Variants in DPP6 observed in about 807,000 individuals in gnomAD.
The protein encoded by DPP6 is A-type potassium channel modulatory protein DPP6.
Under a neutral mutation model 122.6 loss-of-function variants are expected in DPP6, and 69 were observed. The ratio of observed to expected loss-of-function variants is 0.56; its 90% confidence interval spans 0.46 to 0.69. The LOEUF (loss-of-function observed/expected upper bound fraction) is 0.69. DPP6 is among the 30% of genes least tolerant of loss of function. The probability of loss-of-function intolerance (pLI) is 0.00; values close to 1 mark genes in which losing one functional copy is unlikely to be tolerated. For synonymous variants in DPP6, 418 were observed against 433.1 expected (o/e 0.97, Z 0.43); for missense variants, 928 against 1,116.9 (o/e 0.83, Z 2.41).
intron 7 of DPP6, among the ~76,000 whole-genome samples, chr7:154,698,562 G>T (rs1283426900): frequency 6.6e-6 from 1 of 152,134 alleles, no homozygotes; most frequent in Non-Finnish European, 1.5e-5. Flanking sequence ...TAATTGCATA[G>T]CTATTTAAAT....
intron 1 of DPP6, among the ~76,000 whole-genome samples, chr7:154,087,924 G>C (rs145401826): frequency 2.1e-4 from 32 of 152,324 alleles, no homozygotes; most frequent in Admixed American, 7.8e-4. Flanking sequence ...AATGCACTTC[G>C]CACAGTGTTG....
intron 1 of DPP6, among the ~76,000 whole-genome samples, chr7:154,374,936 T>C (rs1813002004): frequency 6.6e-6 from 1 of 152,176 alleles, no homozygotes; most frequent in Non-Finnish European, 1.5e-5. Flanking sequence ...AATTAATTCT[T>C]TCAACAAATA....
chr7:154,046,487 T>C (rs1285214936), intron 1 of DPP6, among the ~76,000 whole-genome samples: 2 of 152,262 alleles, frequency 1.3e-5, no homozygotes, highest in Admixed American at 6.5e-5. Context: ...TTATTCCATT[T>C]AGAACTCAAA....
chr7:154,285,802 A>G (rs1804811268), intron 1 of DPP6, among the ~76,000 whole-genome samples: 1 of 152,236 alleles, frequency 6.6e-6, no homozygotes, highest in Admixed American at 6.5e-5. Context: ...TATTACAATC[A>G]GGCAGAGTAC....
chr7:154,178,479 G>A (rs1563282985), intron 1 of DPP6, among the ~76,000 whole-genome samples: 1 of 146,828 alleles, frequency 6.8e-6, no homozygotes, highest in Non-Finnish European at 1.5e-5. Context: ...TTGTTTCACA[G>A]TTTTATTAAG....
chr7:154,304,987 C>T (rs1321498990), intron 1 of DPP6: 1 of 155,676 alleles, frequency 6.4e-6, no homozygotes, highest in Non-Finnish European at 1.4e-5. Flanking sequence ...GGCGCGGCGT[C>T]TCCGCGGCAG....
chr7:154,509,366 GT>G, intron 3 of DPP6, among the ~76,000 whole-genome samples: 1 of 152,288 alleles, frequency 6.6e-6, no homozygotes, highest in East Asian at 1.9e-4. Flanking sequence ...ATAGCAATAT[GT>G]ACATGAAAAG....
chr7:154,450,298 T>C lies in DPP6; in HGVS notation c.358+3970T>C, dbSNP rs1242169413. Among the ~76,000 whole-genome samples the C allele has an allele frequency of 8.5e-5, 13 of 152,276 alleles. No individual in the cohort carries two copies. In the East Asian group the frequency reaches 2.3e-3, roughly 27 times the overall value. On this transcript the variant is annotated intron_variant, in intron 2 of 25. Transcript: ENST00000377770. ...GATTGCTAATAGGTATGAAATTTCT[T>C]TGAAGGGGGATGAAGAAATTATTCT...
intron 5 of DPP6, among the ~76,000 whole-genome samples, chr7:154,577,998 T>G (rs1367501679): frequency 1.3e-5 from 2 of 152,210 alleles, no homozygotes; most frequent in Non-Finnish European, 2.9e-5. Context: ...CCAATTCCAT[T>G]TGTGATTTAG....
intron 1 of DPP6, among the ~76,000 whole-genome samples, chr7:153,990,296 A>C (rs1797108698): frequency 1.9e-5 from 2 of 105,068 alleles, no homozygotes; most frequent in East Asian, 3.0e-4. Flanking sequence ...TGCCACCCAC[A>C]TGGGTTCCTG....
intron 1 of DPP6, among the ~76,000 whole-genome samples, chr7:154,061,518 A>C (rs1421391872): frequency 4.1e-5 from 6 of 146,804 alleles, no homozygotes; most frequent in Non-Finnish European, 7.6e-5. Flanking sequence ...AGAAGCAAAT[A>C]AGCTGATTCT....
intron 7 of DPP6, among the ~76,000 whole-genome samples, chr7:154,719,801 C>T (rs1049467237): frequency 1.3e-5 from 2 of 152,184 alleles, no homozygotes; most frequent in African/African-American, 4.8e-5. Context: ...AAATGGGAAA[C>T]GGAGTCTTCT....
chr7:154,697,490 G>A (rs893129447), intron 7 of DPP6, among the ~76,000 whole-genome samples: 3 of 152,190 alleles, frequency 2.0e-5, no homozygotes, highest in Non-Finnish European at 2.9e-5. Context: ...GCCTCTCATC[G>A]GGCCCCTTGG....
At position 154,129,581 on chromosome 7, in the gene DPP6, G is replaced by A. The variant is rs189870953; in HGVS notation, c.243+76518G>A. On this transcript the variant is annotated intron_variant, in intron 1 of 25. Coordinates refer to ENST00000377770, the MANE Select transcript of DPP6 (RefSeq NM_130797.4). ...CGTTTGAGACCAGCCTAGCCAACAT[G>A]GTGAAACCCTGTCTCTACTAAAAAT... Among the ~76,000 whole-genome samples, 308 of 152,274 alleles carry A rather than the reference G, an allele frequency of 2.0e-3. 1 individual carries two copies. The highest frequency in any genetic ancestry group is 7.1e-3 in the African/African-American group (295 of 41,568).
At chr7:154,254,901 G>A (rs1412494639) in intron 1 of DPP6, among the ~76,000 whole-genome samples, 3 of 151,876 alleles carry the variant, frequency 2.0e-5, no homozygotes, top group Non-Finnish European at 4.4e-5. Context: ...AGGAATAAGT[G>A]TAGGAGGAAT....
At chr7:154,041,064 C>T (rs1427735321) in intron 1 of DPP6, among the ~76,000 whole-genome samples, 1 of 152,118 alleles carries the variant, frequency 6.6e-6, no homozygotes, top group Non-Finnish European at 1.5e-5. Context: ...AGCATTATTT[C>T]TCTTTTCCCC....
chr7:154,018,597 C>T (rs1474587290), intron 1 of DPP6, among the ~76,000 whole-genome samples: 1 of 152,218 alleles, frequency 6.6e-6, no homozygotes, highest in African/African-American at 2.4e-5. Context: ...AGAGTGGTTG[C>T]CATGACATTA....
chr7:154,266,702 A>G (rs1374721699), intron 1 of DPP6, among the ~76,000 whole-genome samples: 2 of 152,230 alleles, frequency 1.3e-5, no homozygotes, highest in African/African-American at 2.4e-5. Flanking sequence ...ATATAAATCA[A>G]TCAATATGAT....
At chr7:154,127,197 C>A (rs1807953554) in intron 1 of DPP6, among the ~76,000 whole-genome samples, 1 of 152,170 alleles carries the variant, frequency 6.6e-6, no homozygotes, top group African/African-American at 2.4e-5. Context: ...TAAGTTACGT[C>A]ATTTTAAGCA....
Sources: allele counts gnomAD v4.1 joint callset (sites outside exome capture counted in the v4.1 genomes callset), GRCh38; gene constraint gnomAD v4.1.1; transcripts MANE v1.5; gene names NCBI Gene and HGNC (gene_info 2026-07-23, HGNC 2026-07-21).